CSMD1: variants seen among roughly 807,000 people sequenced by gnomAD.
CSMD1 encodes the protein CUB and sushi domain-containing protein 1.
CSMD1 carries 213 observed loss-of-function variants against 417.5 expected under a neutral mutation model. The ratio of observed to expected loss-of-function variants is 0.51; its 90% CI spans 0.46 to 0.57. The LOEUF (loss-of-function observed/expected upper bound fraction) is 0.57, where lower values mean the gene tolerates loss of function less well. CSMD1 is among the 20% of genes least tolerant of loss of function. The pLI is 0.00. For synonymous variants in CSMD1, 2,862 were observed against 1,736.8 expected, an observed-to-expected ratio of 1.65 and a Z score of -16.11; for missense variants, 6,923 against 4,529.7, an observed-to-expected ratio of 1.53 and a Z score of -15.17.
At chr8:4,483,154 G>C (rs1473223551) in intron 2 of CSMD1, among the ~76,000 whole-genome samples, 3 of 152,050 alleles carry the variant, frequency 2.0e-5, no homozygotes, top group Non-Finnish European at 4.4e-5. Flanking sequence ...AGATCCGATG[G>C]TTTGATAAGG....
At chr8:4,836,609 T>C (rs1160386925) in intron 1 of CSMD1, among the ~76,000 whole-genome samples, 3 of 152,366 alleles carry the variant, frequency 2.0e-5, no homozygotes, top group African/African-American at 4.8e-5. Context: ...ACAAGCTGTA[T>C]ACTCTGCTTT....
intron 3 of CSMD1, among the ~76,000 whole-genome samples, chr8:4,417,308 T>G (rs1264026972): frequency 6.6e-6 from 1 of 152,062 alleles, no homozygotes; most frequent in African/African-American, 2.4e-5. Context: ...GTTCCATGTG[T>G]GAATAATAGT....
chr8:3,895,622 A>C (rs1210700413), intron 5 of CSMD1, among the ~76,000 whole-genome samples: 2 of 152,238 alleles, frequency 1.3e-5, no homozygotes, highest in Admixed American at 6.5e-5. Flanking sequence ...TAAAGTCTCA[A>C]AAAGGGAAGA....
chr8:4,597,744 C>A (rs1383099616), intron 2 of CSMD1, among the ~76,000 whole-genome samples: 1 of 152,040 alleles, frequency 6.6e-6, no homozygotes, highest in Non-Finnish European at 1.5e-5. Context: ...TTTAGCTTTT[C>A]TTCTACTTCA....
intron 4 of CSMD1, among the ~76,000 whole-genome samples, chr8:4,027,636 T>C (rs769588832): frequency 2.0e-5 from 3 of 152,168 alleles, no homozygotes; most frequent in African/African-American, 7.2e-5. Flanking sequence ...TCTTTATAAA[T>C]TACCCAGTCT....
chr8:3,877,400 T>A (rs1585127880), intron 5 of CSMD1, among the ~76,000 whole-genome samples: 1 of 152,190 alleles, frequency 6.6e-6, no homozygotes, highest in South Asian at 2.1e-4. Flanking sequence ...GAACCCACGT[T>A]CCATACAGGC....
In CSMD1 at chr8:4,099,364, C is replaced by G. The variant is rs896916770; in HGVS notation, c.416-67265G>C. ...TTCAACATCTGTTCAGTCATAAAAT[C>G]TGGTAATCACGCCTCACCTCCTATC... On this transcript the variant is annotated intron_variant, in intron 3 of 69. Transcript: ENST00000635120. 3.3e-5 allele frequency among the ~76,000 whole-genome samples: 5 copies of G among 152,066 alleles called. No homozygotes were observed. The East Asian group carries it at 7.7e-4, about 23-fold the overall frequency.
chr8:4,421,144 G>T (rs17070249), intron 2 of CSMD1, among the ~76,000 whole-genome samples: 2 of 104,138 alleles, frequency 1.9e-5, no homozygotes, highest in Non-Finnish European at 4.0e-5. Flanking sequence ...AATGGAAAAA[G>T]AAACCATTGT....
chr8:3,745,643 T>C (rs1317417503), intron 6 of CSMD1, among the ~76,000 whole-genome samples: 1 of 152,220 alleles, frequency 6.6e-6, no homozygotes, highest in Non-Finnish European at 1.5e-5. Flanking sequence ...GAAGCATTTG[T>C]CTTTTCACAA....
At chr8:3,784,687 A>T (rs1799354915) in intron 5 of CSMD1, among the ~76,000 whole-genome samples, 1 of 152,232 alleles carries the variant, frequency 6.6e-6, no homozygotes, top group African/African-American at 2.4e-5. Flanking sequence ...CAAATTTTCA[A>T]ATATTCCTGG....
At chr8:4,641,388 T>G (rs1284303082) in intron 1 of CSMD1, among the ~76,000 whole-genome samples, 1 of 152,138 alleles carries the variant, frequency 6.6e-6, no homozygotes, top group Non-Finnish European at 1.5e-5. Context: ...TTCTACTCCT[T>G]AGATAAGTCC....
intron 1 of CSMD1, among the ~76,000 whole-genome samples, chr8:4,941,133 T>C (rs964133388): frequency 1.3e-5 from 2 of 152,204 alleles, no homozygotes; most frequent in African/African-American, 4.8e-5. Flanking sequence ...TTTTGACTAA[T>C]TGGTTTTACA....
At chr8:3,353,847 T>C (rs902613744) in intron 21 of CSMD1, among the ~76,000 whole-genome samples, 2 of 152,218 alleles carry the variant, frequency 1.3e-5, no homozygotes, top group Non-Finnish European at 2.9e-5. Context: ...ACTTAGATTT[T>C]TGCAATTGAA....
intron 48 of CSMD1, among the ~76,000 whole-genome samples, chr8:3,088,201 G>C (rs1482241698): frequency 2.6e-5 from 4 of 152,134 alleles, no homozygotes; most frequent in African/African-American, 4.8e-5. Context: ...CATATTTATG[G>C]CTAAAAGTCT....
intron 3 of CSMD1, among the ~76,000 whole-genome samples, chr8:4,389,958 T>G (rs1217994539): frequency 1.3e-5 from 2 of 152,226 alleles, no homozygotes; most frequent in South Asian, 2.1e-4. Context: ...ATGATATGCA[T>G]GCATGATGTA....
chr8:4,210,438 A>C (rs1800237394), intron 3 of CSMD1, among the ~76,000 whole-genome samples: 1 of 152,196 alleles, frequency 6.6e-6, no homozygotes. Flanking sequence ...CAGTCATTTT[A>C]AACAAAAAAG....
chr8:3,957,262 T>C (rs1812018019), intron 5 of CSMD1, among the ~76,000 whole-genome samples: 1 of 152,220 alleles, frequency 6.6e-6, no homozygotes, highest in East Asian at 1.9e-4. Flanking sequence ...GGTTTCACTA[T>C]CGCAGTGGGG....
At chr8:4,904,453 G>A (rs918536941) in intron 1 of CSMD1, among the ~76,000 whole-genome samples, 1 of 152,140 alleles carries the variant, frequency 6.6e-6, no homozygotes, top group Non-Finnish European at 1.5e-5. Context: ...GAAGAGGTAA[G>A]AGACATGTTC....
Position 3,091,513 on chromosome 8 carries a change from T to A in CSMD1, c.7285+3A>T, listed in dbSNP as rs570662425. On this transcript the variant is annotated splice_donor_region_variant and intron_variant, in intron 48 of 69. Transcript: ENST00000635120. ...ATATAAAATCTAAACCTCATTTACT[T>A]ACCTGCATAGCGAATCTTGAATCCT... 1.3e-6 allele frequency: 2 copies of A among 1,597,988 alleles called. No homozygotes were observed. The highest frequency in any genetic ancestry group is 2.3e-5 in the East Asian group (1 of 44,258).
Sources: allele counts gnomAD v4.1 joint callset (sites outside exome capture counted in the v4.1 genomes callset), GRCh38; gene constraint gnomAD v4.1.1; transcripts MANE v1.5; gene names NCBI Gene and HGNC (gene_info 2026-07-23, HGNC 2026-07-21).